Variants in OTUD7B observed in about 807,000 individuals in gnomAD.
The protein encoded by OTUD7B is OTU deubiquitinase 7B, also known as OTU domain-containing protein 7B.
A neutral mutation model predicts 82.2 loss-of-function variants in OTUD7B; 34 were observed. The ratio of observed to expected loss-of-function variants is 0.41; its 90% CI spans 0.31 to 0.55. The LOEUF is 0.55. Ranked by LOEUF, OTUD7B falls within the 20% of genes least tolerant of loss-of-function variation. The probability of loss-of-function intolerance (pLI) is 0.20; values close to 1 mark genes in which losing one functional copy is unlikely to be tolerated. For synonymous variants in OTUD7B, 398 were observed against 402.7 expected, an observed-to-expected ratio of 0.99 and a Z score of 0.14; for missense variants, 944 against 1,062.1, an observed-to-expected ratio of 0.89 and a Z score of 1.55.
At chr1:150,023,153 A>C in the OTUD7B span, among the ~76,000 whole-genome samples, 1 of 152,240 alleles carries the variant, frequency 6.6e-6, no homozygotes. Flanking sequence ...AGTGTTTCCA[A>C]GAATATGGAG....
At chr1:150,047,081 C>A in the OTUD7B span, among the ~76,000 whole-genome samples, 19,287 of 145,974 alleles carry the variant, frequency 0.13, 1,358 homozygotes, top group Non-Finnish European at 0.17. Context: ...GGAAAAAAAA[C>A]AAAGTCAATA....
At chr1:149,964,952 C>T (rs1379256748) in intron 5 of OTUD7B, among the ~76,000 whole-genome samples, 10 of 149,156 alleles carry the variant, frequency 6.7e-5, no homozygotes, top group Non-Finnish European at 1.0e-4. Flanking sequence ...TACAGTGGTG[C>T]GATCTCGGCT....
At chr1:150,039,387 A>ATTT in the OTUD7B span, among the ~76,000 whole-genome samples, 11 of 151,110 alleles carry the variant, frequency 7.3e-5, no homozygotes, top group African/African-American at 1.7e-4. Context: ...TAAAAAAAAA[A>ATTT]TTTTTTTTGA....
chr1:150,051,928 A>G, the OTUD7B span, among the ~76,000 whole-genome samples: 1 of 152,360 alleles, frequency 6.6e-6, no homozygotes, highest in Non-Finnish European at 1.5e-5. Context: ...CAGATCAGGA[A>G]TGAGCCATTT....
chr1:150,012,252 G>A (rs1337569584), upstream of OTUD7B, among the ~76,000 whole-genome samples: 1 of 152,156 alleles, frequency 6.6e-6, no homozygotes, highest in Non-Finnish European at 1.5e-5. Flanking sequence ...GGGGGTGGAC[G>A]CTTGGGACTC....
chr1:150,047,352 T>C, the OTUD7B span, among the ~76,000 whole-genome samples: 23,803 of 152,146 alleles, frequency 0.16, 2,033 homozygotes, highest in African/African-American at 0.19. Context: ...GCAAACCTTA[T>C]GCATCTCAAC....
intron 7 of OTUD7B, among the ~76,000 whole-genome samples, chr1:149,958,396 C>CGGCTGACTA (rs1559835238): frequency 1.7e-5 from 2 of 114,662 alleles, no homozygotes; most frequent in African/African-American, 6.8e-5. Flanking sequence ...GGCACGAACT[C>CGGCTGACTA]GGCTGACTAC....
At chr1:150,066,027 C>T in the OTUD7B span, among the ~76,000 whole-genome samples, 1 of 152,116 alleles carries the variant, frequency 6.6e-6, no homozygotes, top group Admixed American at 6.5e-5. This position sits in a 1 kb window ranked among gnomAD's most constrained non-coding sequence, Gnocchi z 4.6. Context: ...CCATCTATTG[C>T]TTACAGACTG....
At chr1:149,953,685 A>G (rs587761841) in intron 7 of OTUD7B, among the ~76,000 whole-genome samples, 2 of 152,274 alleles carry the variant, frequency 1.3e-5, no homozygotes, top group South Asian at 2.1e-4. Flanking sequence ...CAAGAGCATG[A>G]AATGTTCTTC....
the OTUD7B span, among the ~76,000 whole-genome samples, chr1:150,061,304 A>G: frequency 6.6e-6 from 1 of 152,212 alleles, no homozygotes; most frequent in Non-Finnish European, 1.5e-5. Context: ...TACAAGGACT[A>G]TGTATGTTGT....
chr1:149,957,604 CT>C (rs1330447128), intron 7 of OTUD7B, among the ~76,000 whole-genome samples: 10 of 152,196 alleles, frequency 6.6e-5, no homozygotes, highest in African/African-American at 2.4e-4. Context: ...TTCCTGCTAC[CT>C]TTTGTTCAGC....
the OTUD7B span, among the ~76,000 whole-genome samples, chr1:150,053,615 C>T: frequency 1.3e-5 from 2 of 152,098 alleles, no homozygotes; most frequent in Middle Eastern, 3.4e-3. Flanking sequence ...AGGCTGGTCT[C>T]GAACTCCCGA....
intron 1 of OTUD7B, among the ~76,000 whole-genome samples, chr1:150,003,529 GA>G (rs1243522289): frequency 2.0e-5 from 3 of 152,082 alleles, no homozygotes; most frequent in African/African-American, 7.2e-5. Context: ...AGGCAGAACT[GA>G]CCCTTGGGCT....
rs781940925 is a variant in OTUD7B at position 149,944,796 on chromosome 1, C to T, written c.1593G>A (p.Lys531=). 1 of 1,614,162 alleles carries T rather than the reference C, an allele frequency of 6.2e-7. No homozygotes were observed. The highest frequency in any genetic ancestry group is 1.7e-5 in the Admixed American group (1 of 60,018). ...CCAACCCTGTCCCCACCCCTCCAGG[C>T]TTTGAACCCTTGCTGTGCATCAGGC... ...MGGLMHSKGS[K]PGGVGTGLGG... Residue 531 remains lysine, a synonymous_variant, in exon 12 of 12, where the codon AAG becomes AAA. Coordinates refer to ENST00000581312, the MANE Select transcript of OTUD7B (RefSeq NM_020205.4).
At chr1:150,010,037 T>C (rs1415347872) in intron 1 of OTUD7B, among the ~76,000 whole-genome samples, 2 of 152,064 alleles carry the variant, frequency 1.3e-5, no homozygotes, top group African/African-American at 4.8e-5. Flanking sequence ...AGAATAAGCT[T>C]ATTTGCTTTT....
the OTUD7B span, among the ~76,000 whole-genome samples, chr1:150,044,691 T>C: frequency 6.6e-6 from 1 of 150,504 alleles, no homozygotes; most frequent in East Asian, 1.9e-4. Flanking sequence ...ATAATGATAA[T>C]AATAATAATA....
the OTUD7B span, among the ~76,000 whole-genome samples, chr1:150,028,701 G>C: frequency 6.6e-6 from 1 of 151,906 alleles, no homozygotes; most frequent in African/African-American, 2.4e-5. Flanking sequence ...ACAGGGTTTC[G>C]CTCTTGTTGC....
At chr1:149,981,169 C>G (rs1650706767) in intron 1 of OTUD7B, among the ~76,000 whole-genome samples, 1 of 151,654 alleles carries the variant, frequency 6.6e-6, no homozygotes, top group Admixed American at 6.6e-5. Context: ...TCAAATAAAA[C>G]AGAGGAGGTT....
At chr1:149,998,928 A>T (rs1487524103) in intron 1 of OTUD7B, among the ~76,000 whole-genome samples, 1 of 152,120 alleles carries the variant, frequency 6.6e-6, no homozygotes, top group Non-Finnish European at 1.5e-5. Flanking sequence ...CATAGCCTGT[A>T]TTTGTTTCTC....
Sources: allele counts gnomAD v4.1 joint callset (sites outside exome capture counted in the v4.1 genomes callset), GRCh38; gene constraint gnomAD v4.1.1; non-coding constraint Gnocchi (gnomAD v3.1); transcripts MANE v1.5; gene names NCBI Gene and HGNC (gene_info 2026-07-23, HGNC 2026-07-21).